The following TRPC3 variants were observed in gnomAD, a reference collection of about 807,000 sequenced individuals.
The protein encoded by TRPC3 is short transient receptor potential channel 3.
Under a neutral mutation model 90.9 loss-of-function variants are expected in TRPC3, and 54 were observed. That is an observed-to-expected ratio of 0.59 (90% confidence interval 0.48 to 0.75). The LOEUF is 0.75. Ranked by LOEUF, TRPC3 falls within the 30% of genes least tolerant of loss-of-function variation. The pLI, the probability that TRPC3 is intolerant of heterozygous loss-of-function variation, is 0.00. For missense variants in TRPC3, 918 were observed against 1,194.5 expected (o/e 0.77, Z 3.41); for synonymous variants, 424 against 450.9 (o/e 0.94, Z 0.75).
intron 10 of TRPC3, among the ~76,000 whole-genome samples, chr4:121,892,510 T>C (rs777730282): frequency 1.3e-4 from 20 of 152,132 alleles, no homozygotes; most frequent in Non-Finnish European, 2.5e-4. Context: ...GATGCAGTAA[T>C]ACGATGGAAA....
intron 1 of TRPC3, among the ~76,000 whole-genome samples, chr4:121,940,661 T>C (rs760077390): frequency 6.6e-5 from 10 of 152,224 alleles, no homozygotes; most frequent in Non-Finnish European, 1.3e-4. Context: ...CAAGATTCTG[T>C]TCAGTATGAA....
intron 9 of TRPC3, among the ~76,000 whole-genome samples, chr4:121,902,098 G>A (rs1001359920): frequency 6.6e-6 from 1 of 152,172 alleles, no homozygotes; most frequent in East Asian, 1.9e-4. Flanking sequence ...GGATAACATT[G>A]ATATCTCGTG....
chr4:121,896,406 T>A (rs1328456444), intron 10 of TRPC3, among the ~76,000 whole-genome samples: 10 of 152,026 alleles, frequency 6.6e-5, no homozygotes, highest in African/African-American at 2.4e-4. Context: ...TCGTATACAT[T>A]GAAAAACCTA....
chr4:121,903,031 G>A lies in TRPC3; in HGVS notation c.2284C>T (p.Arg762Cys), dbSNP rs200628918. 3 of 1,612,620 alleles carry A rather than the reference G, an allele frequency of 1.9e-6. No individual in the cohort carries two copies. The highest frequency in any genetic ancestry group is 1.7e-5 in the Admixed American group (1 of 59,794). ...DDSDVEWKFA[R>C]SKLWLSYFDD... is the part of the protein sequence containing the mutation. ...AAATAGGATAACCAAAGTTTTGAAC[G>A]AGCAAACTTCCATTCTACATCACTG... Residue 762 changes from arginine to cysteine, a missense_variant, in exon 9 of 12, where the codon CGT (arginine) becomes TGT (cysteine). Physicochemically the swap from Arg to Cys is radical, Grantham distance 180. Coordinates refer to ENST00000379645, the MANE Select transcript of TRPC3 (RefSeq NM_001130698.2).
chr4:121,930,213 T>C (rs1729853827), intron 2 of TRPC3, among the ~76,000 whole-genome samples: 1 of 152,218 alleles, frequency 6.6e-6, no homozygotes. Context: ...CTATAATTTC[T>C]AAAGAACTGT....
chr4:121,911,375 G>T (rs1406268568), intron 5 of TRPC3, among the ~76,000 whole-genome samples: 1 of 152,128 alleles, frequency 6.6e-6, no homozygotes, highest in Non-Finnish European at 1.5e-5. Context: ...ATTGTAAGAC[G>T]AAATAGGTTG....
In TRPC3 at chr4:121,874,714, A is replaced by G. The variant is rs1727719921; in HGVS notation, c.*5022T>C. 6.6e-6 allele frequency among the ~76,000 whole-genome samples: 1 copy of G among 152,222 alleles called. No homozygotes were observed. Among genetic ancestry groups the G allele is most frequent in the Non-Finnish European group, 1.5e-5 (1 of 68,048 alleles). ...CATTTTAAATTAATTACCTCTTTAA[A>G]GACCCTATCTCCAACTATAGTTATA... is the stretch of plus-strand genomic sequence containing the variant. On this transcript the variant is annotated 3_prime_UTR_variant, in exon 12 of 12. Transcript: ENST00000379645.
chr4:121,915,046 A>G, intron 3 of TRPC3, 102 bp from the exon 4 acceptor site: 2 of 1,022,616 alleles, frequency 2.0e-6, no homozygotes, highest in Non-Finnish European at 2.7e-6. Context: ...AAAGATATTA[A>G]AGCATATTTT....
intron 1 of TRPC3, among the ~76,000 whole-genome samples, chr4:121,938,166 A>G (rs1403717308): frequency 1.3e-5 from 2 of 152,152 alleles, no homozygotes; most frequent in African/African-American, 4.8e-5. Flanking sequence ...ATATCAATAA[A>G]TATCTGTTTA....
intron 2 of TRPC3, among the ~76,000 whole-genome samples, chr4:121,928,696 G>C (rs1171610658): frequency 1.3e-5 from 2 of 152,154 alleles, no homozygotes; most frequent in African/African-American, 2.4e-5. Flanking sequence ...ACCTTATAGA[G>C]CAGAACTTAA....
intron 10 of TRPC3, among the ~76,000 whole-genome samples, chr4:121,885,323 C>T (rs1728076833): frequency 6.6e-6 from 1 of 152,142 alleles, no homozygotes; most frequent in Non-Finnish European, 1.5e-5. Flanking sequence ...GCAACAAAGA[C>T]TCTTGAGGTC....
intron 10 of TRPC3, among the ~76,000 whole-genome samples, chr4:121,892,266 C>T (rs565618582): frequency 3.3e-5 from 5 of 152,316 alleles, no homozygotes; most frequent in African/African-American, 1.2e-4. Context: ...TCAGCAGACA[C>T]TGCCACTTCT....
chr4:121,932,927 C>T lies in TRPC3; in HGVS notation c.331G>A (p.Ala111Thr), dbSNP rs200365791. The change falls in exon 2 of 12, where the codon GCC (alanine) becomes ACC (threonine). Residue 111 changes from alanine (A) to threonine (T), a missense_variant. Around this residue, in one of 4 missense-constraint regions of TRPC3, gnomAD observed 609 missense variants for 725.9 expected, o/e 0.84. Coordinates refer to ENST00000379645, the MANE Select transcript of TRPC3 (RefSeq NM_001130698.2). The surrounding 1 kb of genome is among the most constrained non-coding windows in gnomAD (Gnocchi z 7.7). Reference sequence around the variant, plus strand: ...GCGTCGAGGAAGCGCTCCTCCTCGGCGGTGAGGCTGGTGCCGCGGTCATTG... The same window carrying T: ...GCGTCGAGGAAGCGCTCCTCCTCGGTGGTGAGGCTGGTGCCGCGGTCATTG... ...MFNDRGTSLTAEEERFLDAAE... is the reference protein window; with the variant it reads ...MFNDRGTSLTTEEERFLDAAE... 7.4e-6 allele frequency: 12 copies of T among 1,614,006 alleles called. No homozygotes were observed. The highest frequency in any genetic ancestry group is 1.1e-5 in the South Asian group (1 of 91,068).
At chr4:121,922,762 T>G (rs1729568283) in intron 3 of TRPC3, among the ~76,000 whole-genome samples, 1 of 152,190 alleles carries the variant, frequency 6.6e-6, no homozygotes. Flanking sequence ...GACAATTTTC[T>G]AAAAAACAGT....
intron 10 of TRPC3, among the ~76,000 whole-genome samples, chr4:121,892,146 A>G (rs1459831426): frequency 6.6e-6 from 1 of 152,254 alleles, no homozygotes; most frequent in Non-Finnish European, 1.5e-5. Flanking sequence ...TTCATAGTTT[A>G]GAGCTGAAGG....
At chr4:121,889,130 C>T (rs1728232680) in intron 10 of TRPC3, among the ~76,000 whole-genome samples, 2 of 152,060 alleles carry the variant, frequency 1.3e-5, no homozygotes, top group South Asian at 4.1e-4. Flanking sequence ...CTACCTCTCA[C>T]CATATACAAA....
Position 121,939,863 on chromosome 4 carries a change from C to G in TRPC3, c.216-6821G>C, listed in dbSNP as rs369617234. Among the ~76,000 whole-genome samples the G allele has an allele frequency of 1.4e-4, 22 of 152,288 alleles. No individual in the cohort carries two copies. The South Asian group carries it at 4.4e-3, about 30-fold the overall frequency. The stretch of plus-strand genomic sequence containing the variant: ...TAGACATAGAACAGTGCCCAGAGAC[C>G]AGAAGAGTTAGAGGACACTAACTCT... On this transcript the variant is annotated intron_variant, in intron 1 of 11. Transcript: ENST00000379645.
At chr4:121,930,848 A>AC (rs1560712304) in intron 2 of TRPC3, 4 of 402,082 alleles carry the variant, frequency 9.9e-6, no homozygotes, top group African/African-American at 4.3e-5. Flanking sequence ...AAAAAAAAAA[A>AC]AAAAACATTT....
At chr4:121,915,809 G>T (rs1729295849) in intron 3 of TRPC3, among the ~76,000 whole-genome samples, 1 of 152,114 alleles carries the variant, frequency 6.6e-6, no homozygotes, top group African/African-American at 2.4e-5. Flanking sequence ...TTGTACTCAG[G>T]CCCTTGTAAA....
Sources: gnomAD v4.1 joint callset for allele counts (sites outside exome capture counted in the v4.1 genomes callset) on GRCh38, gnomAD v4.1.1 for gene constraint, gnomAD v4.1.1 regional missense constraint, Gnocchi (gnomAD v3.1) non-coding constraint, MANE v1.5 for transcripts, NCBI Gene and HGNC (gene_info 2026-07-23, HGNC 2026-07-21) for gene names.